CA10: variants seen among roughly 807,000 people sequenced by gnomAD.
CA10 encodes the protein carbonic anhydrase 10 (inactive).
In CA10, 14 loss-of-function variants were observed where a neutral mutation model predicts 44.2. The observed-to-expected ratio is 0.32, with a 90% CI of 0.21 to 0.50. The LOEUF (loss-of-function observed/expected upper bound fraction) is 0.50. Ranked by LOEUF, CA10 falls within the 20% of genes least tolerant of loss-of-function variation. The pLI is 0.99. For synonymous variants in CA10, 159 were observed against 141.6 expected, an observed-to-expected ratio of 1.12 and a Z score of -0.87; for missense variants, 350 against 409.7, an observed-to-expected ratio of 0.85 and a Z score of 1.26.
intron 2 of CA10, among the ~76,000 whole-genome samples, chr17:52,003,939 C>A (rs377038386): frequency 3.4e-5 from 5 of 148,158 alleles, no homozygotes; most frequent in African/African-American, 2.5e-5. Context: ...AAAACTAAAA[C>A]AAAAAAAAAA....
chr17:52,067,316 C>A (rs1455137659), intron 2 of CA10, among the ~76,000 whole-genome samples: 1 of 152,230 alleles, frequency 6.6e-6, no homozygotes, highest in Admixed American at 6.5e-5. Context: ...AGGGTGCAAG[C>A]CCCAGGCCTT....
chr17:51,837,202 G>A (rs931947358), intron 3 of CA10, among the ~76,000 whole-genome samples: 3 of 152,090 alleles, frequency 2.0e-5, no homozygotes, highest in Non-Finnish European at 4.4e-5. Flanking sequence ...GATCCTCCAA[G>A]GAAGAGATCC....
intron 3 of CA10, among the ~76,000 whole-genome samples, chr17:51,818,853 G>T (rs878906626): frequency 6.6e-6 from 1 of 152,148 alleles, no homozygotes; most frequent in Admixed American, 6.5e-5. Context: ...CCTCACGGGT[G>T]TCAAGAGGTT....
chr17:52,109,282 A>C (rs1286489845), intron 1 of CA10, among the ~76,000 whole-genome samples: 1 of 152,234 alleles, frequency 6.6e-6, no homozygotes, highest in Non-Finnish European at 1.5e-5. Context: ...GAAAACATTC[A>C]AGTCCTTCTA....
Position 51,630,611 on chromosome 17 carries a change from G to A in CA10, c.*973C>T, listed in dbSNP as rs1324889532. 2 of 152,616 alleles carry A rather than the reference G, an allele frequency of 1.3e-5. No homozygotes were observed. Among genetic ancestry groups the A allele is most frequent in the Non-Finnish European group, 1.5e-5 (1 of 68,034 alleles). 9.5% of individuals were successfully genotyped at this position (152,616 alleles called of 1,614,324 possible). ...ATGGAGTGGAATTAAAGTCATACTT[G>A]CTTAGCAAATGCATTCCTGATTGCC... On this transcript the variant is annotated 3_prime_UTR_variant, in exon 9 of 9. Transcript: ENST00000451037.
chr17:51,634,801 T>C (rs936067273), intron 7 of CA10, among the ~76,000 whole-genome samples: 2 of 152,244 alleles, frequency 1.3e-5, no homozygotes, highest in Non-Finnish European at 2.9e-5. Context: ...CCTTCAACAA[T>C]GGAATCTATT....
chr17:51,829,181 G>C (rs898705576), intron 3 of CA10, among the ~76,000 whole-genome samples: 2 of 152,226 alleles, frequency 1.3e-5, no homozygotes, highest in East Asian at 3.8e-4. Flanking sequence ...ACAGAAAAAC[G>C]TTTGCCAATC....
At chr17:51,707,490 C>T (rs1915797104) in intron 4 of CA10, among the ~76,000 whole-genome samples, 1 of 152,082 alleles carries the variant, frequency 6.6e-6, no homozygotes, top group Admixed American at 6.6e-5. Context: ...CTCTCGGTTC[C>T]CTGAAGCTGA....
intron 3 of CA10, among the ~76,000 whole-genome samples, chr17:51,923,579 CAT>C (rs1982313918): frequency 6.6e-6 from 1 of 152,112 alleles, no homozygotes; most frequent in Non-Finnish European, 1.5e-5. Flanking sequence ...AAGCCTCAAA[CAT>C]AAGAGGTTTC....
intron 4 of CA10, among the ~76,000 whole-genome samples, chr17:51,666,528 G>A (rs570651933): frequency 2.4e-4 from 37 of 152,280 alleles, no homozygotes; most frequent in African/African-American, 6.3e-4. Context: ...TCAATGTGGT[G>A]TCTGATTCTT....
chr17:52,009,115 C>A (rs1985700614), intron 2 of CA10, among the ~76,000 whole-genome samples: 1 of 151,946 alleles, frequency 6.6e-6, no homozygotes. Context: ...AAATCTCACT[C>A]CTTCAAGAGT....
intron 2 of CA10, among the ~76,000 whole-genome samples, chr17:52,040,427 T>G (rs1438933153): frequency 6.6e-6 from 1 of 152,126 alleles, no homozygotes; most frequent in South Asian, 2.1e-4. Context: ...CTAGAGATGT[T>G]GAATGTAGGT....
intron 3 of CA10, among the ~76,000 whole-genome samples, chr17:51,795,218 G>A (rs1310856544): frequency 6.6e-6 from 1 of 152,132 alleles, no homozygotes; most frequent in African/African-American, 2.4e-5. Context: ...CACTTCCTGA[G>A]GACCTTCCTG....
chr17:51,932,601 A>T (rs1330604279), intron 2 of CA10, among the ~76,000 whole-genome samples: 2 of 152,146 alleles, frequency 1.3e-5, no homozygotes, highest in Non-Finnish European at 2.9e-5. Context: ...CCTCTGGTAG[A>T]CCATTTCCTT....
At chr17:51,972,707 T>A (rs1984324818) in intron 2 of CA10, among the ~76,000 whole-genome samples, 1 of 152,002 alleles carries the variant, frequency 6.6e-6, no homozygotes, top group African/African-American at 2.4e-5. Flanking sequence ...TAGCATAGTG[T>A]GCTAATCTTT....
At chr17:51,956,926 A>G (rs1388237916) in intron 2 of CA10, among the ~76,000 whole-genome samples, 1 of 152,134 alleles carries the variant, frequency 6.6e-6, no homozygotes, top group Admixed American at 6.6e-5. Context: ...GAATGGAGGT[A>G]GGAGATGCTG....
At chr17:52,143,606 A>C (rs978880006) in intron 1 of CA10, among the ~76,000 whole-genome samples, 1 of 152,244 alleles carries the variant, frequency 6.6e-6, no homozygotes, top group Non-Finnish European at 1.5e-5. Context: ...TGTTCCATGA[A>C]GGTTCCATGT....
chr17:52,022,327 C>T (rs957402674), intron 2 of CA10, among the ~76,000 whole-genome samples: 36 of 151,956 alleles, frequency 2.4e-4, no homozygotes, highest in African/African-American at 7.5e-4. Flanking sequence ...ATGTGATTCA[C>T]GACATGAACA....
At chr17:51,694,560 GT>G (rs1480247054) in intron 4 of CA10, among the ~76,000 whole-genome samples, 1 of 145,656 alleles carries the variant, frequency 6.9e-6, no homozygotes, top group Non-Finnish European at 1.5e-5. Context: ...TCAGAGCTTT[GT>G]TGGATGCATA....
Sources: allele counts gnomAD v4.1 joint callset (sites outside exome capture counted in the v4.1 genomes callset), GRCh38; gene constraint gnomAD v4.1.1; transcripts MANE v1.5; gene names NCBI Gene and HGNC (gene_info 2026-07-23, HGNC 2026-07-21).